RASGRP3: variants seen among roughly 807,000 people sequenced by gnomAD.
The protein encoded by RASGRP3 is ras guanyl-releasing protein 3.
RASGRP3 carries 54 observed loss-of-function variants against 82.7 expected under a neutral mutation model. The observed-to-expected ratio is 0.65, with a 90% CI of 0.52 to 0.82. The LOEUF (loss-of-function observed/expected upper bound fraction) is 0.82. Among genes scored for constraint, RASGRP3 ranks in the 40% least tolerant of loss-of-function variants. The probability of loss-of-function intolerance (pLI) is 0.00; values close to 1 mark genes in which losing one functional copy is unlikely to be tolerated. For missense variants in RASGRP3, 861 were observed against 828.9 expected (o/e 1.04, Z -0.48); for synonymous variants, 309 against 300.5 (o/e 1.03, Z -0.29).
chr2:33,463,630 G>T (rs563283244), intron 2 of RASGRP3, among the ~76,000 whole-genome samples: 1 of 122,632 alleles, frequency 8.2e-6, no homozygotes, highest in African/African-American at 3.2e-5. Context: ...ACAGAGTCTC[G>T]CACTATCGCC....
At chr2:33,515,275 A>G in intron 3 of RASGRP3, 69 bp downstream of exon 3, 1 of 1,541,796 alleles carries the variant, frequency 6.5e-7, no homozygotes, top group Non-Finnish European at 9.0e-7. Flanking sequence ...ATTCAGAGGC[A>G]AGTTGCTTGT....
chr2:33,467,078 A>ATG (rs34797004), intron 2 of RASGRP3, among the ~76,000 whole-genome samples: 1 of 151,842 alleles, frequency 6.6e-6, no homozygotes, highest in African/African-American at 2.4e-5. Flanking sequence ...CTATATATAT[A>ATG]TTAATAAATT....
chr2:33,462,040 G>A (rs945160044), intron 2 of RASGRP3, among the ~76,000 whole-genome samples: 4 of 152,180 alleles, frequency 2.6e-5, no homozygotes, highest in African/African-American at 7.2e-5. Flanking sequence ...GAGCAAAAGC[G>A]ATTAACTGGA....
chr2:33,543,430 T>C (rs770676018), intron 12 of RASGRP3, 82 bp from the exon 13 acceptor site: 1 of 767,628 alleles, frequency 1.3e-6, no homozygotes, highest in Non-Finnish European at 2.1e-6. Context: ...AAGGATCATA[T>C]GCTAGTTATC....
intron 10 of RASGRP3, 74 bp from the exon 11 acceptor site, chr2:33,534,249 G>GA: frequency 2.3e-5 from 24 of 1,056,200 alleles, no homozygotes; most frequent in Non-Finnish European, 3.0e-5. Context: ...CATTCAACTT[G>GA]AAAAAAAATT....
intron 1 of RASGRP3, among the ~76,000 whole-genome samples, chr2:33,479,712 G>A (rs1289324978): frequency 6.6e-6 from 1 of 152,102 alleles, no homozygotes; most frequent in Admixed American, 6.6e-5. Context: ...AGCTCTGACT[G>A]TCTCACGGGT....
chr2:33,436,724 C>T (rs1323429634), intron 1 of RASGRP3: 1 of 152,180 alleles, frequency 6.6e-6, no homozygotes, highest in East Asian at 1.9e-4. Flanking sequence ...TTGCTCATAT[C>T]TCTGAAGAAA....
At chr2:33,545,917 G>T (rs929948086) in intron 13 of RASGRP3, among the ~76,000 whole-genome samples, 2 of 151,988 alleles carry the variant, frequency 1.3e-5, no homozygotes, top group Non-Finnish European at 2.9e-5. Flanking sequence ...TGATTCTCAT[G>T]CCTGAGCCTC....
intron 1 of RASGRP3, among the ~76,000 whole-genome samples, chr2:33,487,425 A>T (rs769120229): frequency 1.3e-5 from 2 of 152,210 alleles, no homozygotes; most frequent in Non-Finnish European, 2.9e-5. Context: ...GGTAAAGTTG[A>T]TAGTTCTTGA....
intron 1 of RASGRP3, among the ~76,000 whole-genome samples, chr2:33,447,127 G>T (rs143308046): frequency 9.3e-5 from 14 of 149,738 alleles, no homozygotes; most frequent in African/African-American, 1.5e-4. Flanking sequence ...AAAAAAAAGA[G>T]GGGGAAGCAG....
rs1673018932 is a variant in RASGRP3 at position 33,530,535 on chromosome 2, A to C, written c.1083+3123A>C. Among the ~76,000 whole-genome samples, 3 of 149,330 alleles carry C rather than the reference A, an allele frequency of 2.0e-5. No individual in the cohort carries two copies. In the South Asian group the frequency reaches 6.4e-4, roughly 32 times the overall value. ...TTTTTTTTTTTTAAACTAAAGAAGAAACTGAGATTTACAAAGGACAGGGAG... is the reference window on the plus strand; with the variant it reads ...TTTTTTTTTTTTAAACTAAAGAAGACACTGAGATTTACAAAGGACAGGGAG... On this transcript the variant is annotated intron_variant, in intron 10 of 17. Transcript: ENST00000403687.
intron 9 of RASGRP3, among the ~76,000 whole-genome samples, chr2:33,526,597 C>T (rs10186362): frequency 0.15 from 23,447 of 152,062 alleles, 2,406 homozygotes; most frequent in African/African-American, 0.29. Context: ...AATTATGTAT[C>T]GGAACTTCTC....
intron 2 of RASGRP3, among the ~76,000 whole-genome samples, chr2:33,452,636 C>T (rs1264538379): frequency 1.3e-5 from 2 of 152,082 alleles, no homozygotes; most frequent in African/African-American, 4.8e-5. Flanking sequence ...TCATAGAGGC[C>T]CACTTTGTTC....
chr2:33,439,143 C>A (rs1665084864), intron 1 of RASGRP3, among the ~76,000 whole-genome samples: 1 of 152,204 alleles, frequency 6.6e-6, no homozygotes, highest in Admixed American at 6.5e-5. Flanking sequence ...GGTCTACAAG[C>A]AGCACCACAC....
At chr2:33,476,531 TC>T (rs1168300612), upstream of RASGRP3, 1 of 152,198 alleles carries the variant, frequency 6.6e-6, no homozygotes, top group Non-Finnish European at 1.5e-5. Flanking sequence ...AGAAGAATGA[TC>T]TTCAGTTTCT....
intron 2 of RASGRP3, among the ~76,000 whole-genome samples, chr2:33,452,399 G>T (rs1193645396): frequency 6.6e-6 from 1 of 152,174 alleles, no homozygotes; most frequent in Non-Finnish European, 1.5e-5. Flanking sequence ...AGAGATTCTG[G>T]GTGGGTTGTT....
At chr2:33,511,472 G>T (rs1316933087) in intron 1 of RASGRP3, among the ~76,000 whole-genome samples, 3 of 152,120 alleles carry the variant, frequency 2.0e-5, no homozygotes, top group Non-Finnish European at 2.9e-5. Flanking sequence ...TGGTTTTGTT[G>T]CATATGTGGG....
At chr2:33,527,618 C>T (rs1672707979) in intron 10 of RASGRP3, among the ~76,000 whole-genome samples, 2 of 152,194 alleles carry the variant, frequency 1.3e-5, no homozygotes, top group South Asian at 4.1e-4. Flanking sequence ...AAGAAATCTA[C>T]CTTTGTTCGG....
Position 33,471,341 on chromosome 2 carries a change from ATT to A in RASGRP3, c.-261+23418_-261+23419del, listed in dbSNP as rs70940204. 2.4e-4 allele frequency among the ~76,000 whole-genome samples: 26 copies of A among 106,778 alleles called. No homozygotes were observed. In the East Asian group the frequency reaches 6.5e-3, roughly 27 times the overall value. 70.1% of individuals were successfully genotyped at this position (106,778 alleles called of 152,430 possible). On this transcript the variant is annotated intron_variant, in intron 2 of 18. Transcript: ENST00000402538. ...TAGGCATCTGCCATCACACTGGGCT[ATT>A]TTTTTTTTTTTTTTTTTTTGTAGAG...
Sources: allele counts gnomAD v4.1 joint callset (sites outside exome capture counted in the v4.1 genomes callset), GRCh38; gene constraint gnomAD v4.1.1; transcripts MANE v1.5; gene names NCBI Gene and HGNC (gene_info 2026-07-23, HGNC 2026-07-21).